The following SLC6A13 variants were observed in gnomAD, a reference collection of about 807,000 sequenced individuals.
The protein encoded by SLC6A13 is sodium- and chloride-dependent GABA transporter 2.
In SLC6A13, 69 loss-of-function variants were observed where a neutral mutation model predicts 72.9. The ratio of observed to expected loss-of-function variants is 0.95; its 90% CI spans 0.78 to 1.16. The LOEUF is 1.16. SLC6A13 is among the 50% of genes most tolerant of loss of function. SLC6A13 has a pLI of 0.00. For synonymous variants in SLC6A13, 303 were observed against 303.0 expected, an observed-to-expected ratio of 1.00 and a Z score of 0.00; for missense variants, 735 against 760.5, an observed-to-expected ratio of 0.97 and a Z score of 0.39.
chr12:238,453 T>C lies in SLC6A13; in HGVS notation c.479-443A>G, dbSNP rs147497418. 61 of 627,690 alleles carry C rather than the reference T, an allele frequency of 9.7e-5. No homozygotes were observed. In the East Asian group the frequency reaches 4.0e-3, roughly 41 times the overall value. The allele number at this position is 627,690 out of a possible 1,614,324, so 38.9% of individuals were successfully genotyped here. The stretch of plus-strand genomic sequence containing the variant: ...CGGGTATGAACTGTGCAGCTGTGGG[T>C]AAGTTATAACTCAGCTCTCTGTGTT... On this transcript the variant is annotated intron_variant, in intron 4 of 14. Coordinates refer to ENST00000343164, the MANE Select transcript of SLC6A13 (RefSeq NM_016615.5).
rs565626637 is a variant in SLC6A13 at position 243,562 on chromosome 12, A to C, written c.337+117T>G. ...GCAGCCCACAAACCAAGGGTTTAGC[A>C]TAGAGACTCGGGATCTTATCTTAAC... On this transcript the variant is annotated intron_variant, in intron 3 of 14. Coordinates refer to ENST00000343164, the MANE Select transcript of SLC6A13 (RefSeq NM_016615.5). 1.1e-5 allele frequency: 11 copies of C among 1,026,338 alleles called. No individual in the cohort carries two copies. In the South Asian group the frequency reaches 1.5e-4, roughly 14 times the overall value. The allele number at this position is 1,026,338 out of a possible 1,614,324, so 63.6% of individuals were successfully genotyped here. A position where few individuals can be genotyped will look rare whatever the true frequency, so the allele number is the denominator to read the frequency against.
At chr12:242,960 G>T (rs1942221482) in intron 3 of SLC6A13, among the ~76,000 whole-genome samples, 1 of 151,688 alleles carries the variant, frequency 6.6e-6, no homozygotes, top group South Asian at 2.1e-4. Flanking sequence ...TATATATGGA[G>T]AAATAATGAA....
In SLC6A13 at chr12:234,863, C is replaced by T. The variant is rs115782863; in HGVS notation, c.831+227G>A. Among the ~76,000 whole-genome samples the T allele has an allele frequency of 1.1e-3, 172 of 152,312 alleles. 1 individual carries two copies. The highest frequency in any genetic ancestry group is 3.5e-3 in the African/African-American group (145 of 41,566). ...CTTGCTTTTGCTTTATTCTACTCCC[C>T]CCAAATTCCTTCTTGTGAGAGGTCC... On this transcript the variant is annotated intron_variant, in intron 7 of 14. Coordinates refer to ENST00000343164, the MANE Select transcript of SLC6A13 (RefSeq NM_016615.5).
intron 6 of SLC6A13, chr12:236,920 A>G (rs1418337198): frequency 9.2e-6 from 4 of 436,864 alleles, no homozygotes; most frequent in African/African-American, 5.9e-5. Context: ...CGTCAGTTCC[A>G]AGATCAGATT....
intron 7 of SLC6A13, among the ~76,000 whole-genome samples, chr12:229,575 G>A (rs576412177): frequency 6.6e-6 from 1 of 152,346 alleles, no homozygotes; most frequent in African/African-American, 2.4e-5. Flanking sequence ...AGGGTCAGAG[G>A]TGTAAGGGCT....
In SLC6A13 at chr12:258,322, C is replaced by T. The variant is rs561124429; in HGVS notation, c.202+1529G>A. Among the ~76,000 whole-genome samples, 48 of 152,318 alleles carry T rather than the reference C, an allele frequency of 3.2e-4. No homozygotes were observed. The South Asian group carries it at 1.0e-2, about 32-fold the overall frequency. On this transcript the variant is annotated intron_variant, in intron 2 of 14. Transcript: ENST00000343164. ...GACTCCATGGGCCCAGGGCATCTCTCGTGTTCTCCCCCAGTTCCCACACCT... is the reference window on the plus strand; with the variant it reads ...GACTCCATGGGCCCAGGGCATCTCTTGTGTTCTCCCCCAGTTCCCACACCT...
At chr12:259,256 C>A in intron 2 of SLC6A13, 1 of 987,638 alleles carries the variant, frequency 1.0e-6, no homozygotes, top group Non-Finnish European at 1.2e-6. Context: ...AGCAGAGCTA[C>A]TACTTATTAC....
chr12:238,401 A>T, intron 4 of SLC6A13: 1 of 1,224,200 alleles, frequency 8.2e-7, no homozygotes, highest in South Asian at 1.3e-5. Context: ...CGCAGGTTGG[A>T]AAGCTCTGGC....
chr12:237,947 G>T lies in SLC6A13; in HGVS notation c.542C>A (p.Ser181Tyr), dbSNP rs923834969. The T allele has an allele frequency of 4.3e-6, 7 of 1,613,948 alleles. No homozygotes were observed. The highest frequency in any genetic ancestry group is 5.9e-6 in the Non-Finnish European group (7 of 1,179,830). The stretch of plus-strand genomic sequence containing the variant: ...TTACTCCCAGAACTCGATGACAGGA[G>T]AGGTGGCATTCTCAGAGGTACCATT... The part of the protein sequence containing the change: ...SLNGTSENAT[S>Y]PVIEFWERRV... The change falls in exon 5 of 15, where the codon TCT (serine) becomes TAT (tyrosine). Residue 181 changes from serine (S) to tyrosine (Y), a missense_variant. Physicochemically the swap from Ser to Tyr is moderately radical, Grantham distance 144. Transcript: ENST00000343164.
At position 235,161 on chromosome 12, in the gene SLC6A13, T is replaced by A; in HGVS notation, c.760A>T (p.Thr254Ser). 1 of 1,614,148 alleles carries A rather than the reference T, an allele frequency of 6.2e-7. No homozygotes were observed. Among genetic ancestry groups the A allele is most frequent in the Non-Finnish European group, 8.5e-7 (1 of 1,179,992 alleles). Residue 254 changes from threonine to serine, a missense_variant, in exon 7 of 15, where the codon ACG becomes TCG. By Grantham distance (58) the Thr-to-Ser change is moderately conservative. Coordinates refer to ENST00000343164, the MANE Select transcript of SLC6A13 (RefSeq NM_016615.5). ...MLVVLLIRGV[T>S]LPGAAQGIQF... ...ATTCCTTGGGCTGCCCCAGGCAACG[T>A]CACCCCTCGAATTAACAGGACCACC...
intron 2 of SLC6A13, among the ~76,000 whole-genome samples, chr12:246,295 C>G (rs2137302725): frequency 6.6e-6 from 1 of 151,834 alleles, no homozygotes; most frequent in Admixed American, 6.6e-5. Context: ...TCCAGCCTGG[C>G]AACAGAGTGA....
chr12:235,010 T>G, intron 7 of SLC6A13, 80 bp downstream of exon 7: 1 of 1,551,196 alleles, frequency 6.4e-7, no homozygotes, highest in South Asian at 1.1e-5. Context: ...GGTGCGGGGG[T>G]TCCCCGTCAG....
chr12:246,952 G>A (rs1565504075), intron 2 of SLC6A13, among the ~76,000 whole-genome samples: 1 of 148,468 alleles, frequency 6.7e-6, no homozygotes, highest in Admixed American at 6.8e-5. Flanking sequence ...AGGTTGCAGT[G>A]AGCTGAGATC....
chr12:244,939 G>T (rs1942296356), intron 2 of SLC6A13, among the ~76,000 whole-genome samples: 1 of 152,176 alleles, frequency 6.6e-6, no homozygotes, highest in Non-Finnish European at 1.5e-5. Context: ...GTTTTTATAA[G>T]CATTGGCGGA....
At chr12:226,559 C>A in intron 8 of SLC6A13, 45 bp from the exon 9 acceptor site, 1 of 1,593,554 alleles carries the variant, frequency 6.3e-7, no homozygotes, top group Non-Finnish European at 8.6e-7. Context: ...AGGGTCAGAA[C>A]AGGGCTGCAA....
intron 9 of SLC6A13, 69 bp from the exon 10 acceptor site, chr12:224,582 T>C: frequency 7.9e-7 from 1 of 1,263,892 alleles, no homozygotes; most frequent in Non-Finnish European, 1.1e-6. Context: ...GACCCATGGC[T>C]TCCCAGCGTG....
intron 7 of SLC6A13, 149 bp downstream of exon 7, chr12:234,941 T>C: frequency 1.2e-6 from 1 of 830,274 alleles, no homozygotes; most frequent in South Asian, 1.8e-5. Context: ...AACAAACAGA[T>C]GTCTAGAGAA....
chr12:260,071 G>C lies in SLC6A13; in HGVS notation c.-5-14C>G, dbSNP rs755637127. On this transcript the variant is annotated splice_polypyrimidine_tract_variant and intron_variant, in intron 1 of 14. Transcript: ENST00000343164. ...TATCCATCCCACCTGGAAAACAAGT[G>C]GGATGCTCTGTTACTGTTGGGAACC... is the stretch of plus-strand genomic sequence containing the variant. The C allele has an allele frequency of 1.7e-5, 27 of 1,608,872 alleles. No individual in the cohort carries two copies. The Admixed American group carries it at 3.3e-4, about 20-fold the overall frequency.
chr12:223,300 G>C, intron 11 of SLC6A13, 66 bp from the exon 12 acceptor site: 1 of 1,005,698 alleles, frequency 9.9e-7, no homozygotes, highest in East Asian at 2.5e-5. Flanking sequence ...TCACTCCTAT[G>C]CCCTTTAGCT....
Sources: gnomAD v4.1 joint callset for allele counts (sites outside exome capture counted in the v4.1 genomes callset) on GRCh38, gnomAD v4.1.1 for gene constraint, MANE v1.5 for transcripts, NCBI Gene and HGNC (gene_info 2026-07-23, HGNC 2026-07-21) for gene names.